PHACTR4: variants seen among roughly 807,000 people sequenced by gnomAD.
PHACTR4 encodes protein phosphatase 1, regulatory subunit 124.
Under a neutral mutation model 72.7 loss-of-function variants are expected in PHACTR4, and 51 were observed. The ratio of observed to expected loss-of-function variants is 0.70; its 90% CI spans 0.56 to 0.89. The LOEUF (loss-of-function observed/expected upper bound fraction) is 0.89. PHACTR4 is among the 40% of genes least tolerant of loss of function. The probability of loss-of-function intolerance (pLI) is 0.00; values close to 1 mark genes in which losing one functional copy is unlikely to be tolerated. For synonymous variants in PHACTR4, 255 were observed against 302.5 expected, an observed-to-expected ratio of 0.84 and a Z score of 1.63; for missense variants, 731 against 861.8, an observed-to-expected ratio of 0.85 and a Z score of 1.90.
intron 1 of PHACTR4, among the ~76,000 whole-genome samples, chr1:28,371,474 T>G (rs543699884): frequency 2.6e-5 from 4 of 152,212 alleles, no homozygotes; most frequent in African/African-American, 9.6e-5. Flanking sequence ...TTTGTATTTT[T>G]GGTAGAAACA....
chr1:28,427,863 G>C (rs1445686669), intron 2 of PHACTR4, among the ~76,000 whole-genome samples: 1 of 152,178 alleles, frequency 6.6e-6, no homozygotes, highest in East Asian at 1.9e-4. Flanking sequence ...GAATAAGTGA[G>C]GGTTGTGGTT....
chr1:28,450,865 C>G (rs924552004), intron 2 of PHACTR4, among the ~76,000 whole-genome samples: 1 of 151,354 alleles, frequency 6.6e-6, no homozygotes, highest in Non-Finnish European at 1.5e-5. Flanking sequence ...TGCTGGAGTG[C>G]AGTGGAGTTG....
intron 1 of PHACTR4, among the ~76,000 whole-genome samples, chr1:28,382,658 TC>T (rs1307085088): frequency 1.3e-5 from 2 of 152,062 alleles, no homozygotes; most frequent in Non-Finnish European, 2.9e-5. Flanking sequence ...TAGCTTGTCT[TC>T]CAGGGTTTTT....
chr1:28,473,855 A>G lies in PHACTR4; in HGVS notation c.1125A>G (p.Pro375=), dbSNP rs374291818. 2.5e-5 allele frequency: 40 copies of G among 1,593,302 alleles called. No homozygotes were observed. The highest frequency in any genetic ancestry group is 4.4e-5 in the African/African-American group (3 of 68,822). The change falls in exon 7 of 14, where the codon CCA becomes CCG. Residue 375 remains proline, a synonymous_variant. Transcript: ENST00000373839. ...AAGTTGTGCCAGAAATTGAGTTTCC[A>G]CCATCCTTAGATCTACACCAGGAGA... ...TFQVVPEIEF[P]PSLDLHQEIP... is the part of the protein sequence containing the mutation.
rs2124467312 is a variant in PHACTR4 at position 28,459,113 on chromosome 1, A to G, written c.45A>G (p.Pro15=). 6.2e-7 allele frequency: 1 copy of G among 1,613,310 alleles called. No individual in the cohort carries two copies. Among genetic ancestry groups the G allele is most frequent in the Non-Finnish European group, 8.5e-7 (1 of 1,179,622 alleles). ...FEEADQPTTE[P]GMVLDSVEAG... is the part of the protein sequence containing the mutation. ...AAGCAGACCAGCCCACTACAGAGCC[A>G]GGCATGGTCCTGGACAGTGTGGAAG... Residue 15 remains proline (P), a synonymous_variant, in exon 3 of 14, where the codon CCA becomes CCG. Coordinates refer to ENST00000373839, the MANE Select transcript of PHACTR4 (RefSeq NM_001048183.3).
intron 1 of PHACTR4, among the ~76,000 whole-genome samples, chr1:28,378,198 T>TAAAAAAAAAAAAAAAAAAA (rs60280611): frequency 2.6e-5 from 2 of 76,386 alleles, no homozygotes; most frequent in African/African-American, 1.3e-4. Flanking sequence ...CTCCATCTCA[T>TAAAAAAAAAAAAAAAAAAA]AAAAAAAAAA....
chr1:28,371,055 G>A (rs149102725), intron 1 of PHACTR4, among the ~76,000 whole-genome samples: 1 of 152,216 alleles, frequency 6.6e-6, no homozygotes, highest in African/African-American at 2.4e-5. Context: ...AATGGTAACT[G>A]TGTATGTCCT....
intron 9 of PHACTR4, among the ~76,000 whole-genome samples, chr1:28,487,518 C>CACA (rs1247310342): frequency 1.7e-4 from 13 of 77,318 alleles, no homozygotes; most frequent in South Asian, 5.1e-4. Context: ...GACACACACA[C>CACA]AAAAAAAAAA....
chr1:28,489,616 T>C (rs566334603), intron 10 of PHACTR4, among the ~76,000 whole-genome samples: 35 of 152,304 alleles, frequency 2.3e-4, no homozygotes, highest in African/African-American at 7.5e-4. Flanking sequence ...CCAAAGCAAG[T>C]CCCAAATGCA....
At chr1:28,441,208 CT>C (rs888165675) in intron 2 of PHACTR4, among the ~76,000 whole-genome samples, 16 of 150,640 alleles carry the variant, frequency 1.1e-4, no homozygotes, top group African/African-American at 2.2e-4. Flanking sequence ...AGGCATACTT[CT>C]TTTTTTTTAA....
intron 4 of PHACTR4, among the ~76,000 whole-genome samples, chr1:28,463,718 C>T (rs1658959868): frequency 6.6e-6 from 1 of 152,128 alleles, no homozygotes; most frequent in Non-Finnish European, 1.5e-5. Context: ...TTTGAGCCTA[C>T]ACTCCACCTC....
At chr1:28,420,841 T>G (rs1277016524) in intron 2 of PHACTR4, among the ~76,000 whole-genome samples, 1 of 152,198 alleles carries the variant, frequency 6.6e-6, no homozygotes, top group African/African-American at 2.4e-5. Context: ...ATTCCTAAAT[T>G]TATTATATAT....
At chr1:28,389,768 C>T (rs1159645376) in intron 1 of PHACTR4, among the ~76,000 whole-genome samples, 6 of 152,032 alleles carry the variant, frequency 3.9e-5, no homozygotes, top group Non-Finnish European at 5.9e-5. Flanking sequence ...TGAGCCACCG[C>T]GCCTGGCCTG....
At position 28,466,560 on chromosome 1, in the gene PHACTR4, C is replaced by T. The variant is rs746861281; in HGVS notation, c.615C>T (p.Thr205=). The stretch of plus-strand genomic sequence containing the variant: ...GGTTCATCATCTCCACCTCCATCAC[C>T]ACAGCACCCGCTGCCACCACTGCTG... ...TARFIISTSI[T]TAPAATTAAT... Residue 205 remains threonine, a synonymous_variant, in exon 6 of 14, where the codon ACC becomes ACT. Transcript: ENST00000373839. 1.9e-6 allele frequency: 3 copies of T among 1,614,004 alleles called. No individual in the cohort carries two copies. Among genetic ancestry groups the T allele is most frequent in the Non-Finnish European group, 1.7e-6 (2 of 1,180,036 alleles).
intron 8 of PHACTR4, among the ~76,000 whole-genome samples, chr1:28,479,078 C>A (rs1289180645): frequency 6.6e-6 from 1 of 151,992 alleles, no homozygotes; most frequent in Admixed American, 6.6e-5. Context: ...AGCTTGAGAC[C>A]AGCCTGGCCA....
At chr1:28,427,521 G>A (rs1655949146) in intron 2 of PHACTR4, among the ~76,000 whole-genome samples, 1 of 151,984 alleles carries the variant, frequency 6.6e-6, no homozygotes, top group Non-Finnish European at 1.5e-5. Context: ...GCGAGACCCT[G>A]TCTCAAAATA....
intron 2 of PHACTR4, among the ~76,000 whole-genome samples, chr1:28,427,345 G>C (rs933119142): frequency 4.6e-5 from 7 of 152,080 alleles, no homozygotes; most frequent in Non-Finnish European, 1.0e-4. Flanking sequence ...GGCCAACATG[G>C]TGAAACCCCG....
chr1:28,383,296 C>T (rs1652328693), intron 1 of PHACTR4, among the ~76,000 whole-genome samples: 1 of 152,054 alleles, frequency 6.6e-6, no homozygotes, highest in Admixed American at 6.6e-5. Context: ...TAGCATGATG[C>T]CTCCAGCTTT....
intron 2 of PHACTR4, among the ~76,000 whole-genome samples, chr1:28,413,459 C>T (rs2124309337): frequency 6.6e-6 from 1 of 152,264 alleles, no homozygotes; most frequent in South Asian, 2.1e-4. Flanking sequence ...CCTTTGTTTC[C>T]TAAACCCTCA....
Sources: gnomAD v4.1 joint callset for allele counts (sites outside exome capture counted in the v4.1 genomes callset) on GRCh38, gnomAD v4.1.1 for gene constraint, MANE v1.5 for transcripts, NCBI Gene and HGNC (gene_info 2026-07-23, HGNC 2026-07-21) for gene names.